The following KIF26B variants were observed in gnomAD, a reference collection of about 807,000 sequenced individuals.
The protein encoded by KIF26B is kinesin-like protein KIF26B.
In KIF26B, 63 loss-of-function variants were observed where a neutral mutation model predicts 151.2. The observed-to-expected ratio is 0.42, with a 90% confidence interval of 0.34 to 0.51. The LOEUF is 0.51. KIF26B is among the 20% of genes least tolerant of loss of function. The pLI, the probability that KIF26B is intolerant of heterozygous loss-of-function variation, is 0.07. For synonymous variants in KIF26B, 1,357 were observed against 1,262.1 expected (o/e 1.08, Z -1.59); for missense variants, 2,813 against 2,913.6 (o/e 0.97, Z 0.79).
intron 9 of KIF26B, among the ~76,000 whole-genome samples, chr1:245,625,976 C>T (rs530747441): frequency 6.6e-6 from 1 of 152,306 alleles, no homozygotes; most frequent in African/African-American, 2.4e-5. Flanking sequence ...CTACAAATGA[C>T]AGGATTTGAG....
intron 3 of KIF26B, among the ~76,000 whole-genome samples, chr1:245,384,048 G>A (rs1028532601): frequency 2.6e-5 from 4 of 152,196 alleles, no homozygotes; most frequent in Admixed American, 2.0e-4. Flanking sequence ...GTATGACCTC[G>A]GGCAGGTTTT....
intron 2 of KIF26B, among the ~76,000 whole-genome samples, chr1:245,184,057 T>TTTTTTTTTTTTTTG (rs1558337197): frequency 1.0e-5 from 1 of 97,096 alleles, no homozygotes; most frequent in Non-Finnish European, 2.2e-5. Flanking sequence ...GTTGTTTTTT[T>TTTTTTTTTTTTTTG]TTTTTTTTTT....
At chr1:245,225,710 T>C (rs1184738259) in intron 2 of KIF26B, among the ~76,000 whole-genome samples, 3 of 152,206 alleles carry the variant, frequency 2.0e-5, no homozygotes, top group African/African-American at 7.2e-5. Flanking sequence ...CTTTCCTCGG[T>C]CCGTAGGGAT....
intron 5 of KIF26B, among the ~76,000 whole-genome samples, chr1:245,600,538 C>G (rs1002142315): frequency 6.6e-6 from 1 of 151,536 alleles, no homozygotes; most frequent in Non-Finnish European, 1.5e-5. Flanking sequence ...TGGGCTCTCA[C>G]CATGTTGCCC....
rs1190111520 is a variant in KIF26B at position 245,287,494 on chromosome 1, CTCTCTTTTTTT to C, written c.466-79338_466-79328del. On this transcript the variant is annotated intron_variant, in intron 2 of 14. Coordinates refer to ENST00000407071, the MANE Select transcript of KIF26B (RefSeq NM_018012.4). ...GGGTCCCTGTGTGTCTCATCTCTCT[CTCTCTTTTTTT>C]TTTTTTTTTTTTCCTGTGGCGGAGT... Among the ~76,000 whole-genome samples, 3 of 113,154 alleles carry C rather than the reference CTCTCTTTTTTT, an allele frequency of 2.7e-5. No homozygotes were observed. In the East Asian group the frequency reaches 7.1e-4, roughly 27 times the overall value. 74.2% of individuals were successfully genotyped at this position (113,154 alleles called of 152,430 possible). A position where few individuals can be genotyped will look rare whatever the true frequency, so the allele number is the denominator to read the frequency against.
chr1:245,390,119 G>A (rs1000238319), intron 3 of KIF26B, among the ~76,000 whole-genome samples: 1 of 120,996 alleles, frequency 8.3e-6, no homozygotes, highest in Non-Finnish European at 1.7e-5. Context: ...AGGTGGTCAC[G>A]CCAAGCTATG....
At chr1:245,485,440 A>G (rs965940012) in intron 4 of KIF26B, among the ~76,000 whole-genome samples, 5 of 149,078 alleles carry the variant, frequency 3.4e-5, no homozygotes, top group Admixed American at 6.7e-5. Context: ...CTGGAGTGCA[A>G]TGGCGTGATC....
At chr1:245,339,417 T>C (rs1045721474) in intron 2 of KIF26B, among the ~76,000 whole-genome samples, 3 of 152,238 alleles carry the variant, frequency 2.0e-5, no homozygotes, top group African/African-American at 7.2e-5. Flanking sequence ...CTCACTTTGA[T>C]AGCCTCCTTG....
intron 4 of KIF26B, among the ~76,000 whole-genome samples, chr1:245,499,016 A>C (rs1292803810): frequency 1.3e-5 from 2 of 152,170 alleles, no homozygotes. Flanking sequence ...TTCATGAGGC[A>C]ACCGGTTGCC....
chr1:245,469,767 A>T (rs1464571914), intron 4 of KIF26B, among the ~76,000 whole-genome samples: 1 of 152,184 alleles, frequency 6.6e-6, no homozygotes, highest in African/African-American at 2.4e-5. Flanking sequence ...AAAGAAATGG[A>T]CAACTTAGAG....
chr1:245,328,746 C>G (rs550207268), intron 2 of KIF26B, among the ~76,000 whole-genome samples: 6 of 152,318 alleles, frequency 3.9e-5, no homozygotes, highest in African/African-American at 1.2e-4. Flanking sequence ...GGTCTCCACA[C>G]TGGCAGGGCT....
intron 2 of KIF26B, among the ~76,000 whole-genome samples, chr1:245,360,395 T>C (rs1672791160): frequency 6.6e-6 from 1 of 152,232 alleles, no homozygotes; most frequent in Non-Finnish European, 1.5e-5. Flanking sequence ...ACTAGTTACA[T>C]TGATAATAAT....
chr1:245,263,806 AAC>A (rs1476009350), intron 2 of KIF26B, among the ~76,000 whole-genome samples: 1 of 152,224 alleles, frequency 6.6e-6, no homozygotes, highest in Admixed American at 6.5e-5. Flanking sequence ...CAAGAAGAGA[AAC>A]ACAGTTAGTT....
intron 4 of KIF26B, among the ~76,000 whole-genome samples, chr1:245,491,615 C>G (rs935295345): frequency 5.9e-5 from 9 of 151,824 alleles, no homozygotes; most frequent in African/African-American, 1.7e-4. Flanking sequence ...GATTAAAACT[C>G]TAGTAAACTG....
intron 5 of KIF26B, among the ~76,000 whole-genome samples, chr1:245,580,614 A>C (rs999167262): frequency 7.2e-5 from 11 of 152,152 alleles, no homozygotes; most frequent in Admixed American, 6.5e-4. Flanking sequence ...GGTTCTGCTG[A>C]TGCAGTCCAG....
At chr1:245,390,934 A>ACAAAAAC (rs1558147883) in intron 3 of KIF26B, among the ~76,000 whole-genome samples, 1 of 130,662 alleles carries the variant, frequency 7.7e-6, no homozygotes, top group African/African-American at 3.3e-5. Flanking sequence ...AAAAAAAAAA[A>ACAAAAAC]AAAAAAAAAA....
intron 5 of KIF26B, among the ~76,000 whole-genome samples, chr1:245,575,589 G>T (rs753448752): frequency 6.6e-6 from 1 of 152,122 alleles, no homozygotes; most frequent in African/African-American, 2.4e-5. Context: ...TCTTAGATAT[G>T]TCAGGTTGCT....
Position 245,446,226 on chromosome 1 carries a change from C to A in KIF26B, c.1166+26481C>A, listed in dbSNP as rs370203728. Among the ~76,000 whole-genome samples the A allele has an allele frequency of 3.3e-5, 5 of 152,250 alleles. No homozygotes were observed. The South Asian group carries it at 6.2e-4, about 19-fold the overall frequency. ...AAGACAGTGCTAAGTATTTGCATAT[C>A]TGAACATATATGAACATAAAGAAGG... is the stretch of plus-strand genomic sequence containing the variant. On this transcript the variant is annotated intron_variant, in intron 4 of 14. Coordinates refer to ENST00000407071, the MANE Select transcript of KIF26B (RefSeq NM_018012.4).
chr1:245,298,777 C>T (rs1386318569), intron 2 of KIF26B, among the ~76,000 whole-genome samples: 2 of 152,146 alleles, frequency 1.3e-5, no homozygotes, highest in Non-Finnish European at 2.9e-5. Context: ...GGAGAGACCC[C>T]ACATGTCACC....
Sources: allele counts gnomAD v4.1 joint callset (sites outside exome capture counted in the v4.1 genomes callset), GRCh38; gene constraint gnomAD v4.1.1; transcripts MANE v1.5; gene names NCBI Gene and HGNC (gene_info 2026-07-23, HGNC 2026-07-21).